Variants in IQCJ observed in about 807,000 individuals in gnomAD.
IQCJ encodes IQ domain-containing protein J.
IQCJ carries 9 observed loss-of-function variants against 11.0 expected under a neutral mutation model. That is an observed-to-expected ratio of 0.82 (90% confidence interval 0.49 to 1.43). The LOEUF is 1.43. IQCJ is among the 40% of genes most tolerant of loss of function. The probability of loss-of-function intolerance (pLI) is 0.00; values close to 1 mark genes in which losing one functional copy is unlikely to be tolerated. For synonymous variants in IQCJ, 55 were observed against 51.3 expected (o/e 1.07, Z -0.31); for missense variants, 146 against 133.2 (o/e 1.10, Z -0.47).
intron 1 of IQCJ, among the ~76,000 whole-genome samples, chr3:159,092,132 G>T (rs1483883060): frequency 6.6e-6 from 1 of 151,768 alleles, no homozygotes; most frequent in African/African-American, 2.4e-5. Flanking sequence ...CCAAGAGGGG[G>T]TCCACTTGAC....
At chr3:159,160,984 A>G (rs930408565) in intron 1 of IQCJ, among the ~76,000 whole-genome samples, 1 of 152,166 alleles carries the variant, frequency 6.6e-6, no homozygotes, top group African/African-American at 2.4e-5. Context: ...TAATGCCGCA[A>G]TAAACATACG....
intron 1 of IQCJ, among the ~76,000 whole-genome samples, chr3:159,074,274 G>T (rs1715771475): frequency 6.6e-6 from 1 of 151,976 alleles, no homozygotes; most frequent in Non-Finnish European, 1.5e-5. Context: ...CAGGTGAGAA[G>T]AAATGAGGTC....
chr3:159,207,094 C>T (rs1191703609), intron 1 of IQCJ, among the ~76,000 whole-genome samples: 1 of 152,108 alleles, frequency 6.6e-6, no homozygotes, highest in Middle Eastern at 3.2e-3. Flanking sequence ...ACTCAGTAGC[C>T]AATATCCAAA....
intron 1 of IQCJ, among the ~76,000 whole-genome samples, chr3:159,208,089 C>A (rs1427432903): frequency 6.6e-6 from 1 of 152,148 alleles, no homozygotes; most frequent in Non-Finnish European, 1.5e-5. Flanking sequence ...AAAAAATGAG[C>A]TCATTGAGTC....
At chr3:159,108,152 G>C (rs1718390943) in intron 1 of IQCJ, among the ~76,000 whole-genome samples, 1 of 152,108 alleles carries the variant, frequency 6.6e-6, no homozygotes, top group African/African-American at 2.4e-5. Flanking sequence ...TGGCCTGCCA[G>C]AGGTCCCAAG....
intron 1 of IQCJ, among the ~76,000 whole-genome samples, chr3:159,116,582 C>G (rs1039606230): frequency 8.0e-6 from 1 of 124,276 alleles, no homozygotes; most frequent in Non-Finnish European, 1.7e-5. Context: ...AAGAGCTATA[C>G]CTCTTGTTCT....
intron 1 of IQCJ, among the ~76,000 whole-genome samples, chr3:159,110,344 A>G (rs373720985): frequency 5.9e-5 from 9 of 152,358 alleles, no homozygotes; most frequent in African/African-American, 1.7e-4. Context: ...GTTAGCTATT[A>G]TGATTATCAT....
At chr3:159,114,533 A>G (rs1268207888) in intron 1 of IQCJ, among the ~76,000 whole-genome samples, 4 of 126,894 alleles carry the variant, frequency 3.2e-5, no homozygotes, top group Admixed American at 2.5e-4. Flanking sequence ...CTGGTCTCGA[A>G]CTCCTGACCT....
At chr3:159,105,609 C>G (rs2108108521) in intron 1 of IQCJ, among the ~76,000 whole-genome samples, 1 of 152,018 alleles carries the variant, frequency 6.6e-6, no homozygotes, top group East Asian at 1.9e-4. Flanking sequence ...ACTGTTTGGT[C>G]AGGACATTTG....
At chr3:159,172,917 C>T (rs946661167) in intron 1 of IQCJ, among the ~76,000 whole-genome samples, 4 of 152,156 alleles carry the variant, frequency 2.6e-5, no homozygotes, top group African/African-American at 7.2e-5. Context: ...TGTACTGTTT[C>T]ACCAGAAGTT....
At chr3:159,178,197 G>C (rs1007369639) in intron 1 of IQCJ, among the ~76,000 whole-genome samples, 2 of 152,138 alleles carry the variant, frequency 1.3e-5, no homozygotes, top group Admixed American at 1.3e-4. Flanking sequence ...TATTCTCAGA[G>C]TGAATTCCCT....
chr3:159,153,554 T>C (rs1267681167), intron 1 of IQCJ, among the ~76,000 whole-genome samples: 1 of 152,246 alleles, frequency 6.6e-6, no homozygotes, highest in African/African-American at 2.4e-5. Flanking sequence ...CAATGACCAA[T>C]GTTCCTTGTA....
At chr3:159,113,957 G>T (rs751709614) in intron 1 of IQCJ, among the ~76,000 whole-genome samples, 15 of 152,186 alleles carry the variant, frequency 9.9e-5, no homozygotes, top group Non-Finnish European at 5.9e-5. Context: ...GAAAGTCAAA[G>T]AACAGTTCTA....
chr3:159,207,327 T>G (rs560100428), intron 1 of IQCJ, among the ~76,000 whole-genome samples: 4 of 152,332 alleles, frequency 2.6e-5, no homozygotes, highest in Middle Eastern at 6.8e-3. Flanking sequence ...GCCACAGCAT[T>G]CAACTGTATA....
At chr3:159,081,676 A>G (rs780235267) in intron 1 of IQCJ, among the ~76,000 whole-genome samples, 4 of 152,026 alleles carry the variant, frequency 2.6e-5, no homozygotes, top group African/African-American at 4.8e-5. Context: ...TCTTTACCCA[A>G]ATGTTCATCT....
intron 1 of IQCJ, among the ~76,000 whole-genome samples, chr3:159,087,618 G>T (rs1160129944): frequency 6.8e-6 from 1 of 146,486 alleles, no homozygotes; most frequent in Non-Finnish European, 1.5e-5. Flanking sequence ...TCTATTCAGA[G>T]ATTCAACTTC....
chr3:159,073,977 A>G (rs1395191306), intron 1 of IQCJ, among the ~76,000 whole-genome samples: 2 of 152,154 alleles, frequency 1.3e-5, no homozygotes, highest in Non-Finnish European at 1.5e-5. Context: ...ATATGGAGGA[A>G]GCAGAATCAG....
chr3:159,145,600 C>G (rs1438334631), intron 1 of IQCJ, among the ~76,000 whole-genome samples: 1 of 139,464 alleles, frequency 7.2e-6, no homozygotes, highest in Non-Finnish European at 1.5e-5. Flanking sequence ...AAATATATTT[C>G]TTGACATCAT....
intron 1 of IQCJ, among the ~76,000 whole-genome samples, chr3:159,129,716 T>C (rs1326395092): frequency 1.3e-5 from 2 of 152,188 alleles, no homozygotes; most frequent in Non-Finnish European, 2.9e-5. Flanking sequence ...AAAAATTGTT[T>C]CATTTTGAAC....
Sources: gnomAD v4.1 joint callset for allele counts (sites outside exome capture counted in the v4.1 genomes callset) on GRCh38, gnomAD v4.1.1 for gene constraint, MANE v1.5 for transcripts, NCBI Gene and HGNC (gene_info 2026-07-23, HGNC 2026-07-21) for gene names.